The following HAT1 variants were observed in gnomAD, a reference collection of about 807,000 sequenced individuals.
The protein encoded by HAT1 is histone acetyltransferase type B catalytic subunit.
A neutral mutation model predicts 56.6 loss-of-function variants in HAT1; 20 were observed. The observed-to-expected ratio is 0.35, with a 90% CI of 0.25 to 0.51. The LOEUF (loss-of-function observed/expected upper bound fraction) is 0.51, where lower values mean the gene tolerates loss of function less well. Among genes scored for constraint, HAT1 ranks in the 20% least tolerant of loss-of-function variants. The probability of loss-of-function intolerance (pLI) is 0.95; values close to 1 mark genes in which losing one functional copy is unlikely to be tolerated. For missense variants in HAT1, 408 were observed against 504.3 expected (o/e 0.81, Z 1.83); for synonymous variants, 146 against 165.5 (o/e 0.88, Z 0.91).
intron 8 of HAT1, among the ~76,000 whole-genome samples, chr2:171,969,412 T>G (rs1308462190): frequency 6.6e-6 from 1 of 152,216 alleles, no homozygotes; most frequent in African/African-American, 2.4e-5. Context: ...TTTTTATCAC[T>G]AATATGTATG....
intron 6 of HAT1, 104 bp downstream of exon 6, chr2:171,966,012 A>G: frequency 2.8e-6 from 3 of 1,061,268 alleles, no homozygotes; most frequent in Non-Finnish European, 4.1e-6. Flanking sequence ...TATTTTTCCC[A>G]GGAAAGAAAA....
intron 2 of HAT1, among the ~76,000 whole-genome samples, chr2:171,939,160 A>T (rs985716791): frequency 1.3e-5 from 2 of 152,136 alleles, no homozygotes. Flanking sequence ...ATTCCTTCCC[A>T]GTTCAGGGTT....
intron 4 of HAT1, among the ~76,000 whole-genome samples, chr2:171,957,256 G>A (rs1482771915): frequency 6.6e-6 from 1 of 152,208 alleles, no homozygotes; most frequent in Non-Finnish European, 1.5e-5. Context: ...TGAGGGCAAA[G>A]CTTTGGGTCC....
intron 8 of HAT1, among the ~76,000 whole-genome samples, chr2:171,974,173 C>CAAAAAA (rs1183466393): frequency 6.9e-3 from 303 of 43,720 alleles, no homozygotes; most frequent in African/African-American, 7.9e-3. Context: ...GACCCTGTCT[C>CAAAAAA]AAAAAAAAAA....
chr2:171,948,306 C>T (rs886771207), intron 3 of HAT1, among the ~76,000 whole-genome samples: 2 of 152,316 alleles, frequency 1.3e-5, no homozygotes, highest in Non-Finnish European at 2.9e-5. Flanking sequence ...CTCACTGCAA[C>T]CTCCACTTCC....
intron 3 of HAT1, among the ~76,000 whole-genome samples, chr2:171,952,120 C>T (rs1223744441): frequency 1.3e-5 from 2 of 152,092 alleles, no homozygotes; most frequent in Non-Finnish European, 2.9e-5. Context: ...TTAATGTATT[C>T]AGAGTTGTGC....
At position 171,934,481 on chromosome 2, in the gene HAT1, C is replaced by T. The variant is rs142706935; in HGVS notation, c.112+8840C>T. Among the ~76,000 whole-genome samples, 4 of 152,234 alleles carry T rather than the reference C, an allele frequency of 2.6e-5. No individual in the cohort carries two copies. The East Asian group carries it at 7.7e-4, about 29-fold the overall frequency. On this transcript the variant is annotated intron_variant, in intron 2 of 10. Transcript: ENST00000264108. The stretch of plus-strand genomic sequence containing the variant: ...GAAGGTGTAGAGGAAGCATTTTGTG[C>T]AGTTTCTTTTCTGAATGCTTCTGTT...
chr2:171,964,211 T>C (rs1687636028), intron 4 of HAT1, among the ~76,000 whole-genome samples: 1 of 152,198 alleles, frequency 6.6e-6, no homozygotes, highest in Non-Finnish European at 1.5e-5. Context: ...AGCATCTTAA[T>C]TTCCCTGTTT....
At chr2:171,936,058 C>G (rs1415951035) in intron 2 of HAT1, among the ~76,000 whole-genome samples, 1 of 152,076 alleles carries the variant, frequency 6.6e-6, no homozygotes, top group Non-Finnish European at 1.5e-5. Flanking sequence ...ACAGTAAAGA[C>G]AAAATTCTTG....
intron 4 of HAT1, among the ~76,000 whole-genome samples, chr2:171,960,428 T>C (rs771272064): frequency 2.0e-5 from 3 of 152,214 alleles, no homozygotes; most frequent in Non-Finnish European, 4.4e-5. Flanking sequence ...GGTTTGAGTC[T>C]AATATATTAG....
chr2:171,932,699 C>T (rs182386357), intron 2 of HAT1, among the ~76,000 whole-genome samples: 19 of 152,112 alleles, frequency 1.2e-4, no homozygotes, highest in African/African-American at 4.3e-4. Context: ...GAGATCTCAA[C>T]AATAAAATAA....
chr2:171,931,965 A>T (rs890344916), intron 2 of HAT1, among the ~76,000 whole-genome samples: 1 of 152,190 alleles, frequency 6.6e-6, no homozygotes, highest in African/African-American at 2.4e-5. Flanking sequence ...TAGGTTTTTC[A>T]TATGTGCCCT....
At chr2:171,966,032 T>G (rs1316545467) in intron 6 of HAT1, 124 bp downstream of exon 6, 3 of 878,044 alleles carry the variant, frequency 3.4e-6, no homozygotes, top group Non-Finnish European at 5.3e-6. Context: ...AACTATTGTT[T>G]ATGAGGCTTG....
chr2:171,929,190 A>C (rs1253088445), intron 2 of HAT1, among the ~76,000 whole-genome samples: 2 of 152,162 alleles, frequency 1.3e-5, no homozygotes, highest in Non-Finnish European at 2.9e-5. Context: ...AAGATTAAAT[A>C]GGTTTTAATT....
intron 4 of HAT1, chr2:171,964,758 T>A (rs1687646514): frequency 6.6e-6 from 1 of 152,186 alleles, no homozygotes; most frequent in African/African-American, 2.4e-5. Flanking sequence ...TCCAGGTCTG[T>A]AAGAATTGTG....
At chr2:171,967,317 T>C (rs1370238128) in intron 8 of HAT1, among the ~76,000 whole-genome samples, 1 of 152,184 alleles carries the variant, frequency 6.6e-6, no homozygotes, top group Non-Finnish European at 1.5e-5. Context: ...CAGAATATTA[T>C]AAACTTTACT....
intron 3 of HAT1, among the ~76,000 whole-genome samples, chr2:171,948,719 G>A (rs1449181597): frequency 1.3e-5 from 2 of 152,108 alleles, no homozygotes; most frequent in African/African-American, 4.8e-5. Context: ...AGACATTTTT[G>A]TAGGGTATAG....
chr2:171,928,662 C>G (rs1212025885), intron 2 of HAT1, among the ~76,000 whole-genome samples: 3 of 152,180 alleles, frequency 2.0e-5, no homozygotes, highest in African/African-American at 7.2e-5. Context: ...GCGCCTGCCA[C>G]CACGCCTGGC....
rs79541997 is a variant in HAT1, at chr2:171,966,478, C to T, written c.681C>T (p.Tyr227=). The stretch of plus-strand genomic sequence containing the variant: ...TAGGCTACATGACAGTCTATAATTA[C>T]TATGTGTACCCAGACAAAACCCGGC... ...ATVGYMTVYN[Y]YVYPDKTRPR... is the part of the protein sequence containing the mutation. The change falls in exon 7 of 11, where the codon TAC becomes TAT. Residue 227 remains tyrosine, a synonymous_variant. Transcript: ENST00000264108. 395 of 1,592,364 alleles carry T rather than the reference C, an allele frequency of 2.5e-4. 3 individuals carry two copies. In the East Asian group the frequency reaches 6.6e-3, roughly 26 times the overall value.
Sources: gnomAD v4.1 joint callset for allele counts (sites outside exome capture counted in the v4.1 genomes callset) on GRCh38, gnomAD v4.1.1 for gene constraint, MANE v1.5 for transcripts, NCBI Gene and HGNC (gene_info 2026-07-23, HGNC 2026-07-21) for gene names.